SKIL: variants seen among roughly 807,000 people sequenced by gnomAD.
SKIL encodes the protein ski-like protein.
In SKIL, 20 loss-of-function variants were observed where a neutral mutation model predicts 69.6. That is an observed-to-expected ratio of 0.29 (90% CI 0.20 to 0.42). The LOEUF is 0.42. Among genes scored for constraint, SKIL ranks in the 10% least tolerant of loss-of-function variants. The probability of loss-of-function intolerance (pLI) is 1.00; values close to 1 mark genes in which losing one functional copy is unlikely to be tolerated. For missense variants in SKIL, 745 were observed against 783.1 expected (o/e 0.95, Z 0.58); for synonymous variants, 310 against 279.9 (o/e 1.11, Z -1.08).
intron 2 of SKIL, among the ~76,000 whole-genome samples, chr3:170,369,706 G>A (rs1736707439): frequency 6.6e-6 from 1 of 151,988 alleles, no homozygotes; most frequent in Non-Finnish European, 1.5e-5. Flanking sequence ...CCAGCGAATT[G>A]GGCTAATTTT....
chr3:170,370,202 G>GCA (rs1418490501), intron 2 of SKIL, among the ~76,000 whole-genome samples: 22 of 152,072 alleles, frequency 1.4e-4, no homozygotes, highest in Non-Finnish European at 1.3e-4. Context: ...TCGCGCCACT[G>GCA]CACTCCAGCC....
At chr3:170,369,963 G>A (rs1349760629) in intron 2 of SKIL, among the ~76,000 whole-genome samples, 5 of 152,120 alleles carry the variant, frequency 3.3e-5, no homozygotes, top group East Asian at 3.9e-4. Context: ...TTCCGGCTGC[G>A]CGCGGTGGCT....
chr3:170,357,879 CGA>C (rs1736010795), intron 1 of SKIL, 116 bp downstream of exon 1: 1 of 153,008 alleles, frequency 6.5e-6, no homozygotes, highest in Admixed American at 6.5e-5. Flanking sequence ...CAAAGCTCGT[CGA>C]GCTTACCCGG....
chr3:170,381,799 A>G (rs767747371), intron 3 of SKIL, among the ~76,000 whole-genome samples: 5 of 151,356 alleles, frequency 3.3e-5, no homozygotes, highest in Non-Finnish European at 7.4e-5. Flanking sequence ...ATTCAAAATT[A>G]GGCTGGGCGC....
chr3:170,384,485 A>C (rs760359226), intron 3 of SKIL, 48 bp from the exon 4 acceptor site: 1 of 842,784 alleles, frequency 1.2e-6, no homozygotes, highest in East Asian at 2.5e-5. Flanking sequence ...ATTTTTACTT[A>C]ATTGTAATAT....
chr3:170,378,525 A>AATTGGGAATTG (rs1278208785), intron 2 of SKIL, among the ~76,000 whole-genome samples: 1 of 149,212 alleles, frequency 6.7e-6, no homozygotes, highest in Non-Finnish European at 1.5e-5. Flanking sequence ...TAATTTGTTG[A>AATTGGGAATTG]ATTGGGAATT....
rs531038387 is a variant in SKIL, at chr3:170,364,603, G to T, written c.1098+3174G>T. On this transcript the variant is annotated intron_variant, in intron 2 of 6. Coordinates refer to ENST00000259119, the MANE Select transcript of SKIL (RefSeq NM_005414.5). The stretch of plus-strand genomic sequence containing the variant: ...TCTCAATTGCTGGGATTACAGGCAT[G>T]AGCCATGGCGCCTGGCCCGCCCCAG... 7.9e-5 allele frequency among the ~76,000 whole-genome samples: 12 copies of T among 152,192 alleles called. 1 individual carries two copies. The highest frequency in any genetic ancestry group is 4.1e-4 in the South Asian group (2 of 4,828).
intron 2 of SKIL, among the ~76,000 whole-genome samples, chr3:170,377,420 A>T (rs1737085550): frequency 7.2e-6 from 1 of 139,662 alleles, no homozygotes. Context: ...TTTTAATTCC[A>T]CATTTACATA....
intron 2 of SKIL, among the ~76,000 whole-genome samples, chr3:170,367,481 A>G (rs538047760): frequency 0.017 from 1,489 of 89,502 alleles, 24 homozygotes; most frequent in African/African-American, 0.055. Flanking sequence ...TTTTTTTTAA[A>G]TTGAGATGGA....
rs546991173 is a variant in SKIL at position 170,365,434 on chromosome 3, T to C, written c.1098+4005T>C. Among the ~76,000 whole-genome samples the C allele has an allele frequency of 1.1e-3, 169 of 152,312 alleles. 1 individual carries two copies. The highest frequency in any genetic ancestry group is 3.6e-3 in the African/African-American group (149 of 41,568). Reference sequence around the variant, plus strand: ...ACATGGCACTCACAGGAAATGCTCATTGGAGTATTTCAGATTTTGATTTTT... The same window carrying C: ...ACATGGCACTCACAGGAAATGCTCACTGGAGTATTTCAGATTTTGATTTTT... On this transcript the variant is annotated intron_variant, in intron 2 of 6. Coordinates refer to ENST00000259119, the MANE Select transcript of SKIL (RefSeq NM_005414.5).
At chr3:170,361,948 T>G (rs191033446) in intron 2 of SKIL, among the ~76,000 whole-genome samples, 1 of 152,270 alleles carries the variant, frequency 6.6e-6, no homozygotes, top group East Asian at 1.9e-4. Context: ...ATCTGTTGTT[T>G]TTCTAGGACT....
chr3:170,388,324 G>C (rs1359943555), intron 4 of SKIL, among the ~76,000 whole-genome samples: 1 of 141,348 alleles, frequency 7.1e-6, no homozygotes, highest in Non-Finnish European at 1.5e-5. Flanking sequence ...TGTCTATTCA[G>C]GTCTTTTGGC....
Position 170,394,495 on chromosome 3 carries a change from G to A in SKIL, c.*2078G>A, listed in dbSNP as rs1416748087. On this transcript the variant is annotated 3_prime_UTR_variant, in exon 7 of 7. Coordinates refer to ENST00000259119, the MANE Select transcript of SKIL (RefSeq NM_005414.5). ...TTCACTTGGAACCTTTCTGCTTTAT[G>A]TTACCTAGAAAATGATAATTTGTTT... 1 of 151,944 alleles carries A rather than the reference G, an allele frequency of 6.6e-6. No homozygotes were observed. Among genetic ancestry groups the A allele is most frequent in the Non-Finnish European group, 1.5e-5 (1 of 67,972 alleles). 9.4% of individuals were successfully genotyped at this position (151,944 alleles called of 1,614,324 possible). A position where few individuals can be genotyped will look rare whatever the true frequency, so the allele number is the denominator to read the frequency against.
At chr3:170,387,759 T>TAAAAAA (rs748924498) in intron 4 of SKIL, among the ~76,000 whole-genome samples, 18 of 57,680 alleles carry the variant, frequency 3.1e-4, no homozygotes, top group East Asian at 7.0e-4. Context: ...CCGTCTCTAC[T>TAAAAAA]AAAAAAAAAA....
Position 170,391,047 on chromosome 3 carries a change from G to A in SKIL, c.1683G>A (p.Met561Ile), listed in dbSNP as rs756067153. 58 of 1,544,714 alleles carry A rather than the reference G, an allele frequency of 3.8e-5. No individual in the cohort carries two copies. The South Asian group carries it at 6.7e-4, about 18-fold the overall frequency. ...KKQQLQMEVK[M>I]LSSSKSMKEL... ...TCTTTACATTACAGGAAGTAAAAAT[G>A]TTGAGTAGTTCAAAATCTATGAAGG... Residue 561 changes from methionine to isoleucine, a missense_variant, in exon 6 of 7, where the codon ATG becomes ATA. Transcript: ENST00000259119.
chr3:170,396,691 A>G lies in SKIL; in HGVS notation c.*4274A>G, dbSNP rs1738204594. ...CTGGTCACCTAGTTTACAAATTTTG[A>G]ATTATATTTATTGAAACATGACATA... On this transcript the variant is annotated 3_prime_UTR_variant, in exon 7 of 7. Coordinates refer to ENST00000259119, the MANE Select transcript of SKIL (RefSeq NM_005414.5). 1 of 152,216 alleles carries G rather than the reference A, an allele frequency of 6.6e-6. No homozygotes were observed. Among genetic ancestry groups the G allele is most frequent in the Non-Finnish European group, 1.5e-5 (1 of 68,044 alleles). The allele number at this position is 152,216 out of a possible 1,614,324, so 9.4% of individuals were successfully genotyped here.
At position 170,360,406 on chromosome 3, in the gene SKIL, C is replaced by T; in HGVS notation, c.75C>T (p.Gly25=). 1 of 1,611,116 alleles carries T rather than the reference C, an allele frequency of 6.2e-7. No individual in the cohort carries two copies. The highest frequency in any genetic ancestry group is 8.5e-7 in the Non-Finnish European group (1 of 1,178,372). Residue 25 remains glycine, a synonymous_variant, in exon 2 of 7, where the codon GGC becomes GGT. Coordinates refer to ENST00000259119, the MANE Select transcript of SKIL (RefSeq NM_005414.5). Reference sequence around the variant, plus strand: ...AACTGAATGGGATGGGAGATGATGGCAGCCCCCCAGCGAAAAAAATGATAA... The same window carrying T: ...AACTGAATGGGATGGGAGATGATGGTAGCCCCCCAGCGAAAAAAATGATAA... ...TKKLNGMGDD[G]SPPAKKMITD...
At position 170,359,442 on chromosome 3, in the gene SKIL, A is replaced by G. The variant is rs113430566; in HGVS notation, c.-633-257A>G. On this transcript the variant is annotated intron_variant, in intron 1 of 6. Transcript: ENST00000259119. Reference sequence around the variant, plus strand: ...GAAACCCCGTTTCTACTAAAAATACAAAAAAATTAGCCGGGTGTCGTGGCT... The same window carrying G: ...GAAACCCCGTTTCTACTAAAAATACGAAAAAATTAGCCGGGTGTCGTGGCT... Among the ~76,000 whole-genome samples the G allele has an allele frequency of 3.2e-3, 483 of 152,156 alleles. 6 individuals carry two copies. Among genetic ancestry groups the G allele is most frequent in the African/African-American group, 0.011 (445 of 41,496 alleles).
At chr3:170,387,759 T>TAAAAAAAAAAAAAAAAAAAAA (rs748924498) in intron 4 of SKIL, among the ~76,000 whole-genome samples, 5 of 57,682 alleles carry the variant, frequency 8.7e-5, no homozygotes, top group East Asian at 7.0e-4. Flanking sequence ...CCGTCTCTAC[T>TAAAAAAAAAAAAAAAAAAAAA]AAAAAAAAAA....
Sources: allele counts gnomAD v4.1 joint callset (sites outside exome capture counted in the v4.1 genomes callset), GRCh38; gene constraint gnomAD v4.1.1; transcripts MANE v1.5; gene names NCBI Gene and HGNC (gene_info 2026-07-23, HGNC 2026-07-21).